The following SCP2 variants were observed in gnomAD, a reference collection of about 807,000 sequenced individuals.
SCP2 encodes sterol carrier protein 2.
In SCP2, 48 loss-of-function variants were observed where a neutral mutation model predicts 71.4. The ratio of observed to expected loss-of-function variants is 0.67; its 90% CI spans 0.53 to 0.86. SCP2 has a LOEUF of 0.86. Among genes scored for constraint, SCP2 ranks in the 40% least tolerant of loss-of-function variants. The pLI is 0.00. For synonymous variants in SCP2, 220 were observed against 218.1 expected (o/e 1.01, Z -0.08); for missense variants, 560 against 655.6 (o/e 0.85, Z 1.59).
intron 10 of SCP2, among the ~76,000 whole-genome samples, chr1:52,986,235 A>G (rs1394758918): frequency 6.6e-6 from 1 of 152,174 alleles, no homozygotes; most frequent in African/African-American, 2.4e-5. Flanking sequence ...TTCCCTTTGG[A>G]ATCTTTTAAT....
chr1:52,988,121 C>T lies in SCP2; in HGVS notation c.1066C>T (p.Pro356Ser), dbSNP rs910466649. 5 of 1,553,080 alleles carry T rather than the reference C, an allele frequency of 3.2e-6. No homozygotes were observed. In the African/African-American group the frequency reaches 5.5e-5, roughly 17 times the overall value. ...PSGGLISKGH[P>S]LGATGLAQCA... ...TGGTGGACTGATTTCAAAGGGACAC[C>T]CACTAGGCGCTACAGGTAATGCTAC... Residue 356 changes from proline (P) to serine (S), a missense_variant, in exon 11 of 16, where the codon CCA (proline) becomes TCA (serine). Coordinates refer to ENST00000371514, the MANE Select transcript of SCP2 (RefSeq NM_002979.5).
chr1:53,036,865 G>A (rs578172372), intron 13 of SCP2, among the ~76,000 whole-genome samples: 3 of 151,890 alleles, frequency 2.0e-5, no homozygotes, highest in Admixed American at 6.6e-5. Context: ...GATTTTGGCC[G>A]TGTGCAGTAG....
Position 52,974,761 on chromosome 1 carries a change from CT to C in SCP2, c.524-5del, listed in dbSNP as rs1557576565. 6.7e-7 allele frequency: 1 copy of C among 1,484,892 alleles called. No individual in the cohort carries two copies. Among genetic ancestry groups the C allele is most frequent in the East Asian group, 2.3e-5 (1 of 44,172 alleles). 92.0% of individuals were successfully genotyped at this position (1,484,892 alleles called of 1,614,324 possible). Reference sequence around the variant, plus strand: ...TCACCCACTGGTAGATGTTTGCTTTCTTTACAGGAACAAAAATTGAACACTT... The same window carrying C: ...TCACCCACTGGTAGATGTTTGCTTTCTTACAGGAACAAAAATTGAACACTT... On this transcript the variant is annotated splice_region_variant and splice_polypyrimidine_tract_variant and intron_variant, in intron 6 of 15. Coordinates refer to ENST00000371514, the MANE Select transcript of SCP2 (RefSeq NM_002979.5).
intron 12 of SCP2, among the ~76,000 whole-genome samples, chr1:53,024,387 A>G (rs1352340966): frequency 6.6e-6 from 1 of 152,116 alleles, no homozygotes; most frequent in South Asian, 2.1e-4. Context: ...AAAGGTGATG[A>G]TGGTTGCACA....
chr1:53,008,731 G>T (rs1475251727), intron 11 of SCP2, among the ~76,000 whole-genome samples: 5 of 152,198 alleles, frequency 3.3e-5, no homozygotes, highest in Non-Finnish European at 5.9e-5. Context: ...AGACAGGAAT[G>T]CCCTCTCTCA....
At chr1:52,981,224 G>A (rs907259685) in intron 10 of SCP2, among the ~76,000 whole-genome samples, 1 of 152,140 alleles carries the variant, frequency 6.6e-6, no homozygotes, top group Non-Finnish European at 1.5e-5. Flanking sequence ...GAGCCACTGC[G>A]CCCAGCCGTG....
chr1:52,981,439 A>C (rs1412594493), intron 10 of SCP2, among the ~76,000 whole-genome samples: 2 of 143,352 alleles, frequency 1.4e-5, no homozygotes, highest in Non-Finnish European at 3.1e-5. Context: ...TTCATTAATA[A>C]TTTTTTTTTT....
At chr1:52,953,937 G>A (rs1344088526) in intron 4 of SCP2, among the ~76,000 whole-genome samples, 1 of 149,756 alleles carries the variant, frequency 6.7e-6, no homozygotes, top group Admixed American at 6.7e-5. Flanking sequence ...AGCCATGATT[G>A]CACTACTGCA....
At chr1:52,996,638 C>T (rs897888395) in intron 11 of SCP2, among the ~76,000 whole-genome samples, 5 of 152,288 alleles carry the variant, frequency 3.3e-5, no homozygotes, top group Admixed American at 2.6e-4. Flanking sequence ...GAATCTTTCC[C>T]TCTCTGGCTC....
At chr1:52,929,493 T>G (rs1036536228) in intron 1 of SCP2, among the ~76,000 whole-genome samples, 4 of 152,184 alleles carry the variant, frequency 2.6e-5, no homozygotes, top group Non-Finnish European at 5.9e-5. Context: ...TCCCCCAGTC[T>G]GGAGTGCAGT....
In SCP2 at chr1:52,927,325, C is replaced by T; in HGVS notation, c.-72C>T. The stretch of plus-strand genomic sequence containing the variant: ...CCCTGGCTTCGGGCTTCAGGGAGCT[C>T]TGGTGCAGTCTCCGCCTGTCAGTGC... On this transcript the variant is annotated 5_prime_UTR_variant, in exon 1 of 16. Transcript: ENST00000371514. 3.0e-6 allele frequency: 4 copies of T among 1,338,612 alleles called. No individual in the cohort carries two copies. Among genetic ancestry groups the T allele is most frequent in the Admixed American group, 2.0e-5 (1 of 50,714 alleles). 82.9% of individuals were successfully genotyped at this position (1,338,612 alleles called of 1,614,324 possible). A position where few individuals can be genotyped will look rare whatever the true frequency, so the allele number is the denominator to read the frequency against.
At chr1:52,935,298 T>A (rs1159270911) in intron 1 of SCP2, among the ~76,000 whole-genome samples, 1 of 150,528 alleles carries the variant, frequency 6.6e-6, no homozygotes, top group Non-Finnish European at 1.5e-5. Flanking sequence ...AAACCTCCAC[T>A]TGGCGGGGCG....
At chr1:53,049,495 A>G (rs1297943787) in intron 15 of SCP2, 13 of 152,244 alleles carry the variant, frequency 8.5e-5, no homozygotes, top group Admixed American at 8.5e-4. Context: ...CCTAGGGGCC[A>G]GATTAAAATC....
At chr1:52,939,063 A>AT (rs1423907754) in intron 1 of SCP2, among the ~76,000 whole-genome samples, 3 of 152,062 alleles carry the variant, frequency 2.0e-5, no homozygotes, top group African/African-American at 7.2e-5. Context: ...GTCTTTTAAG[A>AT]TTGTCTTCTT....
At chr1:52,967,056 G>A (rs570507362) in intron 6 of SCP2, among the ~76,000 whole-genome samples, 5 of 152,098 alleles carry the variant, frequency 3.3e-5, no homozygotes, top group African/African-American at 4.8e-5. Context: ...CAGGCATGGT[G>A]GCAGGCGCCT....
chr1:52,974,891 C>A (rs1657814411), intron 7 of SCP2, 59 bp downstream of exon 7: 4 of 820,194 alleles, frequency 4.9e-6, no homozygotes, highest in Non-Finnish European at 8.7e-6. Context: ...GTATAATATG[C>A]AACTTTATAC....
chr1:53,004,032 C>G (rs1488842295), intron 11 of SCP2, among the ~76,000 whole-genome samples: 1 of 152,126 alleles, frequency 6.6e-6, no homozygotes, highest in Non-Finnish European at 1.5e-5. Flanking sequence ...GACTTGAACA[C>G]GAGCAGTACC....
chr1:53,027,367 A>AT (rs1557619385), intron 12 of SCP2, among the ~76,000 whole-genome samples: 1 of 151,516 alleles, frequency 6.6e-6, no homozygotes, highest in Non-Finnish European at 1.5e-5. Flanking sequence ...TATATTATTT[A>AT]TTTTTTTGTT....
chr1:53,033,731 C>A (rs969903979), intron 13 of SCP2, among the ~76,000 whole-genome samples: 6 of 151,730 alleles, frequency 4.0e-5, no homozygotes, highest in Admixed American at 2.0e-4. Flanking sequence ...AGCATTGTGA[C>A]ATGATGTAGC....
Sources: allele counts gnomAD v4.1 joint callset (sites outside exome capture counted in the v4.1 genomes callset), GRCh38; gene constraint gnomAD v4.1.1; transcripts MANE v1.5; gene names NCBI Gene and HGNC (gene_info 2026-07-23, HGNC 2026-07-21).